TAOK3: variants seen among roughly 807,000 people sequenced by gnomAD.
TAOK3 encodes serine/threonine-protein kinase TAO3.
In TAOK3, 40 loss-of-function variants were observed where a neutral mutation model predicts 120.4. The observed-to-expected ratio is 0.33, with a 90% CI of 0.26 to 0.43. The LOEUF is 0.43. TAOK3 is among the 20% of genes least tolerant of loss of function. The pLI, the probability that TAOK3 is intolerant of heterozygous loss-of-function variation, is 1.00. For missense variants in TAOK3, 821 were observed against 1,112.1 expected (o/e 0.74, Z 3.72); for synonymous variants, 355 against 387.5 (o/e 0.92, Z 0.99).
intron 1 of TAOK3, among the ~76,000 whole-genome samples, chr12:118,304,055 A>T (rs2042967141): frequency 1.3e-5 from 2 of 152,178 alleles, no homozygotes. Flanking sequence ...TGCTGAAGAG[A>T]GTCTGGCACT....
intron 17 of TAOK3, among the ~76,000 whole-genome samples, chr12:118,164,281 C>A (rs571383864): frequency 1.7e-4 from 25 of 150,764 alleles, no homozygotes; most frequent in African/African-American, 6.1e-4. Flanking sequence ...GAGCCAAGAT[C>A]GCGCCACTGC....
intron 2 of TAOK3, among the ~76,000 whole-genome samples, chr12:118,262,167 G>T (rs978795871): frequency 6.6e-6 from 1 of 151,150 alleles, no homozygotes; most frequent in African/African-American, 2.4e-5. Flanking sequence ...GGCCTGAAAT[G>T]ATTATGTCTC....
chr12:118,226,065 C>T (rs957602149), intron 9 of TAOK3, among the ~76,000 whole-genome samples: 3 of 152,234 alleles, frequency 2.0e-5, no homozygotes, highest in African/African-American at 7.2e-5. Context: ...CAAGGTAAAA[C>T]TCCGTCTCTA....
intron 9 of TAOK3, among the ~76,000 whole-genome samples, chr12:118,217,813 A>ATG (rs2038995695): frequency 2.1e-5 from 1 of 48,042 alleles, no homozygotes; most frequent in African/African-American, 1.1e-4. Flanking sequence ...GTGTGTGTGT[A>ATG]TACATATATA....
At chr12:118,197,740 T>G (rs984955769) in intron 13 of TAOK3, among the ~76,000 whole-genome samples, 5 of 135,890 alleles carry the variant, frequency 3.7e-5, no homozygotes, top group Middle Eastern at 4.2e-3. Flanking sequence ...CAAGCTGGAG[T>G]GCAGTGGCGC....
At chr12:118,343,778 C>T (rs149328437) in intron 1 of TAOK3, among the ~76,000 whole-genome samples, 2,272 of 151,982 alleles carry the variant, frequency 0.015, 54 homozygotes, top group African/African-American at 0.049. Flanking sequence ...TTTGGGAGGC[C>T]GAGGCAGGTG....
intron 7 of TAOK3, among the ~76,000 whole-genome samples, chr12:118,236,949 C>T (rs2040042458): frequency 6.6e-6 from 1 of 152,006 alleles, no homozygotes; most frequent in Admixed American, 6.6e-5. Context: ...AATAATGGCA[C>T]AAAAAACTGA....
intron 16 of TAOK3, among the ~76,000 whole-genome samples, chr12:118,174,255 T>C (rs749567591): frequency 2.6e-5 from 4 of 152,202 alleles, no homozygotes; most frequent in South Asian, 4.1e-4. Flanking sequence ...TATCTGTAAG[T>C]ATATAAATAT....
chr12:118,214,779 C>G (rs954040356), intron 9 of TAOK3, among the ~76,000 whole-genome samples: 4 of 143,832 alleles, frequency 2.8e-5, no homozygotes, highest in African/African-American at 1.0e-4. Flanking sequence ...GAGTTTCGCT[C>G]TTGTTGCCCA....
At chr12:118,322,334 A>AAC (rs1378849392) in intron 1 of TAOK3, among the ~76,000 whole-genome samples, 4 of 151,650 alleles carry the variant, frequency 2.6e-5, no homozygotes, top group Non-Finnish European at 5.9e-5. Context: ...AAAAAAAAAA[A>AAC]ATTGAAGAAA....
chr12:118,211,456 T>C (rs2038626088), intron 11 of TAOK3, among the ~76,000 whole-genome samples: 1 of 152,190 alleles, frequency 6.6e-6, no homozygotes, highest in African/African-American at 2.4e-5. Context: ...CTAAATGGGT[T>C]GGTTTACTAC....
chr12:118,262,951 T>C (rs941008072), intron 2 of TAOK3, among the ~76,000 whole-genome samples: 1 of 152,076 alleles, frequency 6.6e-6, no homozygotes, highest in East Asian at 1.9e-4. Context: ...ACGGTGTTTA[T>C]AAATCAGAAG....
intron 11 of TAOK3, among the ~76,000 whole-genome samples, chr12:118,202,036 A>G (rs353897): frequency 0.72 from 109,665 of 151,702 alleles, 39,742 homozygotes; most frequent in South Asian, 0.77. Context: ...AAGTGACATC[A>G]TATGCTATTT....
intron 1 of TAOK3, among the ~76,000 whole-genome samples, chr12:118,345,872 C>T (rs2044836297): frequency 6.6e-6 from 1 of 152,070 alleles, no homozygotes; most frequent in African/African-American, 2.4e-5. Context: ...TTTGAAAAAT[C>T]CATGCAACAA....
intron 1 of TAOK3, among the ~76,000 whole-genome samples, chr12:118,328,695 A>G (rs1263683142): frequency 6.6e-6 from 1 of 152,186 alleles, no homozygotes; most frequent in Non-Finnish European, 1.5e-5. Flanking sequence ...TTTTTCTTCA[A>G]GTGGAAGTGG....
At chr12:118,330,580 A>G (rs1236715614) in intron 1 of TAOK3, among the ~76,000 whole-genome samples, 1 of 152,188 alleles carries the variant, frequency 6.6e-6, no homozygotes, top group African/African-American at 2.4e-5. Context: ...ACTATCACAA[A>G]GAGGAAGTAT....
intron 9 of TAOK3, among the ~76,000 whole-genome samples, chr12:118,225,140 C>T (rs1336459681): frequency 2.0e-5 from 3 of 147,088 alleles, no homozygotes; most frequent in Admixed American, 7.1e-5. Context: ...CCCAGCTACT[C>T]GGGAGGCTGA....
intron 15 of TAOK3, 90 bp from the exon 16 acceptor site, chr12:118,177,419 T>C: frequency 1.0e-6 from 1 of 982,458 alleles, no homozygotes; most frequent in Non-Finnish European, 1.5e-6. Flanking sequence ...AGACAGTCCA[T>C]GAGTGCTAAT....
rs779316431 is a variant in TAOK3 at position 118,232,192 on chromosome 12, A to G, written c.643+1482T>C. On this transcript the variant is annotated intron_variant, in intron 9 of 20. Transcript: ENST00000392533. ...CTTTTCCCCTCTCCACAAGAGATTG[A>G]TTTGTTAAATTTACCAGTATACCAC... 4.6e-5 allele frequency among the ~76,000 whole-genome samples: 7 copies of G among 152,190 alleles called. 1 individual carries two copies. The highest frequency in any genetic ancestry group is 1.0e-4 in the Non-Finnish European group (7 of 68,036).
Sources: allele counts gnomAD v4.1 joint callset (sites outside exome capture counted in the v4.1 genomes callset), GRCh38; gene constraint gnomAD v4.1.1; transcripts MANE v1.5; gene names NCBI Gene and HGNC (gene_info 2026-07-23, HGNC 2026-07-21).